The following SLC35F4 variants were observed in gnomAD, a reference collection of about 807,000 sequenced individuals.
SLC35F4 encodes solute carrier family 35 member F4.
SLC35F4 carries 24 observed loss-of-function variants against 44.2 expected under a neutral mutation model. The ratio of observed to expected loss-of-function variants is 0.54; its 90% CI spans 0.39 to 0.76. The LOEUF is 0.76. SLC35F4 is among the 30% of genes least tolerant of loss of function. The pLI is 0.00. For missense variants in SLC35F4, 562 were observed against 586.1 expected, an observed-to-expected ratio of 0.96 and a Z score of 0.42; for synonymous variants, 238 against 223.6, an observed-to-expected ratio of 1.06 and a Z score of -0.57.
intron 1 of SLC35F4, among the ~76,000 whole-genome samples, chr14:57,627,424 A>G (rs1483845856): frequency 2.0e-5 from 3 of 152,130 alleles, no homozygotes; most frequent in Non-Finnish European, 4.4e-5. Context: ...TCTAGCAAAG[A>G]CATTTATTCC....
At chr14:57,615,768 A>G (rs768190012) in intron 1 of SLC35F4, among the ~76,000 whole-genome samples, 3 of 149,294 alleles carry the variant, frequency 2.0e-5, no homozygotes, top group Non-Finnish European at 4.5e-5. Flanking sequence ...ATGGCACCCA[A>G]TGTGAAATTG....
At chr14:57,619,359 TTTC>T (rs2072045228) in intron 1 of SLC35F4, among the ~76,000 whole-genome samples, 1 of 152,042 alleles carries the variant, frequency 6.6e-6, no homozygotes, top group Non-Finnish European at 1.5e-5. Flanking sequence ...GCAGCAATCT[TTTC>T]TGTTCTGCAG....
At chr14:57,669,126 C>CT (rs2074421209) in intron 1 of SLC35F4, among the ~76,000 whole-genome samples, 1 of 151,902 alleles carries the variant, frequency 6.6e-6, no homozygotes, top group South Asian at 2.1e-4. Context: ...ATTTGGCTCT[C>CT]TGTTTGTCTG....
upstream of SLC35F4, among the ~76,000 whole-genome samples, chr14:57,982,688 C>A (rs1297677597): frequency 6.6e-6 from 1 of 152,130 alleles, no homozygotes; most frequent in Non-Finnish European, 1.5e-5. Flanking sequence ...TCACAGCCTG[C>A]ACTCTTCTAA....
At chr14:57,832,334 A>G (rs1884460031) in intron 1 of SLC35F4, among the ~76,000 whole-genome samples, 1 of 152,216 alleles carries the variant, frequency 6.6e-6, no homozygotes, top group African/African-American at 2.4e-5. Context: ...CACTTTATAC[A>G]TGAGGAAAAT....
chr14:57,713,295 T>C (rs2075857119), intron 1 of SLC35F4, among the ~76,000 whole-genome samples: 1 of 152,190 alleles, frequency 6.6e-6, no homozygotes. Context: ...ATCTGTTTCT[T>C]TCTTTCCCAT....
At chr14:57,776,066 TG>T (rs1268344935) in intron 1 of SLC35F4, among the ~76,000 whole-genome samples, 2 of 152,138 alleles carry the variant, frequency 1.3e-5, no homozygotes, top group African/African-American at 4.8e-5. Flanking sequence ...GCTCGAAGAC[TG>T]GTTTTCTGAA....
At chr14:57,859,323 G>A (rs867109886) in intron 1 of SLC35F4, among the ~76,000 whole-genome samples, 5 of 152,052 alleles carry the variant, frequency 3.3e-5, no homozygotes, top group Middle Eastern at 3.2e-3. Context: ...CAAAATTAAA[G>A]CCACTTGCGT....
intron 1 of SLC35F4, among the ~76,000 whole-genome samples, chr14:57,838,733 A>G (rs1463082088): frequency 6.6e-6 from 1 of 152,218 alleles, no homozygotes; most frequent in Non-Finnish European, 1.5e-5. Flanking sequence ...TGCAACTATA[A>G]GAACTTTTTT....
At chr14:57,953,909 A>G (rs966961211) in intron 1 of SLC35F4, among the ~76,000 whole-genome samples, 1 of 152,112 alleles carries the variant, frequency 6.6e-6, no homozygotes, top group African/African-American at 2.4e-5. Context: ...CTTGAATGCA[A>G]CTCTGGACAA....
At chr14:57,658,172 GTAACT>G (rs1482346069) in intron 1 of SLC35F4, among the ~76,000 whole-genome samples, 5 of 152,050 alleles carry the variant, frequency 3.3e-5, no homozygotes, top group Admixed American at 6.6e-5. Flanking sequence ...TGAGTGTTTG[GTAACT>G]TAACATCCAT....
At chr14:57,969,597 AT>A (rs1336534214) in intron 1 of SLC35F4, among the ~76,000 whole-genome samples, 8 of 152,082 alleles carry the variant, frequency 5.3e-5, no homozygotes, top group Non-Finnish European at 1.5e-5. Context: ...AGTATTCTGC[AT>A]TTTTTTAATA....
At chr14:57,838,738 T>C (rs1359834550) in intron 1 of SLC35F4, among the ~76,000 whole-genome samples, 3 of 151,992 alleles carry the variant, frequency 2.0e-5, no homozygotes, top group African/African-American at 7.3e-5. Flanking sequence ...CTATAAGAAC[T>C]TTTTTTTAAG....
chr14:57,841,203 G>A (rs766756196), intron 1 of SLC35F4, among the ~76,000 whole-genome samples: 25 of 152,184 alleles, frequency 1.6e-4, no homozygotes, highest in Non-Finnish European at 1.9e-4. Flanking sequence ...ATAGGGCTAA[G>A]CAGGAGATCA....
intron 1 of SLC35F4, among the ~76,000 whole-genome samples, chr14:57,627,617 C>G (rs773897296): frequency 9.9e-5 from 15 of 152,038 alleles, no homozygotes; most frequent in Non-Finnish European, 1.9e-4. Context: ...ATCACAGTCT[C>G]TTAGATGAAC....
At chr14:57,646,353 A>G (rs546633567) in intron 1 of SLC35F4, among the ~76,000 whole-genome samples, 1 of 152,146 alleles carries the variant, frequency 6.6e-6, no homozygotes, top group East Asian at 1.9e-4. Context: ...TAGTCTTGGG[A>G]GGGTGTATGT....
chr14:57,790,788 T>C (rs1384617327), intron 1 of SLC35F4, among the ~76,000 whole-genome samples: 2 of 152,164 alleles, frequency 1.3e-5, no homozygotes, highest in Non-Finnish European at 1.5e-5. Flanking sequence ...AAAAATGTCA[T>C]ATAGACCAAT....
intron 1 of SLC35F4, among the ~76,000 whole-genome samples, chr14:57,892,351 C>T (rs1391542962): frequency 6.6e-6 from 1 of 152,180 alleles, no homozygotes; most frequent in Non-Finnish European, 1.5e-5. Flanking sequence ...GAAGAAAGAG[C>T]CTCCTAAATA....
intron 1 of SLC35F4, among the ~76,000 whole-genome samples, chr14:57,879,054 C>A (rs995353776): frequency 1.3e-5 from 2 of 152,138 alleles, no homozygotes; most frequent in Non-Finnish European, 2.9e-5. Flanking sequence ...GAAAACAAGT[C>A]ATGATCCACT....
Sources: gnomAD v4.1 joint callset for allele counts (sites outside exome capture counted in the v4.1 genomes callset) on GRCh38, gnomAD v4.1.1 for gene constraint, MANE v1.5 for transcripts, NCBI Gene and HGNC (gene_info 2026-07-23, HGNC 2026-07-21) for gene names.